CACNA2D3: variants seen among roughly 807,000 people sequenced by gnomAD.
The protein encoded by CACNA2D3 is calcium voltage-gated channel auxiliary subunit alpha2delta 3.
Under a neutral mutation model 160.6 loss-of-function variants are expected in CACNA2D3, and 60 were observed. The observed-to-expected ratio is 0.37, with a 90% CI of 0.30 to 0.46. The LOEUF (loss-of-function observed/expected upper bound fraction) is 0.46. Among genes scored for constraint, CACNA2D3 ranks in the 20% least tolerant of loss-of-function variants. CACNA2D3 has a pLI of 1.00. For synonymous variants in CACNA2D3, 558 were observed against 492.9 expected (o/e 1.13, Z -1.75); for missense variants, 1,205 against 1,365.0 (o/e 0.88, Z 1.85).
chr3:54,719,672 CAG>C, intron 11 of CACNA2D3, among the ~76,000 whole-genome samples: 2 of 151,998 alleles, frequency 1.3e-5, no homozygotes, highest in African/African-American at 4.8e-5. Context: ...ATGAGTTGGG[CAG>C]AGTTTCTTCT....
intron 3 of CACNA2D3, among the ~76,000 whole-genome samples, chr3:54,370,998 A>G (rs961064624): frequency 1.3e-5 from 2 of 151,994 alleles, no homozygotes; most frequent in South Asian, 4.1e-4. Flanking sequence ...ATGTTCTTTG[A>G]TTTCTTTCAC....
chr3:54,774,679 G>A (rs1203435109), intron 13 of CACNA2D3, among the ~76,000 whole-genome samples: 1 of 128,868 alleles, frequency 7.8e-6, no homozygotes, highest in African/African-American at 3.0e-5. Flanking sequence ...CTGTCGCCCA[G>A]GCTGGAGTGC....
chr3:54,740,816 A>T (rs1230727748), intron 11 of CACNA2D3, among the ~76,000 whole-genome samples: 1 of 152,186 alleles, frequency 6.6e-6, no homozygotes, highest in Non-Finnish European at 1.5e-5. Flanking sequence ...AGAACTTGGG[A>T]AAAGGCAACT....
At chr3:54,565,323 G>A (rs993979914) in intron 6 of CACNA2D3, among the ~76,000 whole-genome samples, 4 of 152,178 alleles carry the variant, frequency 2.6e-5, no homozygotes, top group African/African-American at 9.7e-5. Flanking sequence ...AAGGTGCTGG[G>A]TGATCACTGA....
At chr3:55,007,933 CA>C in intron 33 of CACNA2D3, 91 bp downstream of exon 33, 1 of 802,090 alleles carries the variant, frequency 1.2e-6, no homozygotes, top group Non-Finnish European at 1.9e-6. Flanking sequence ...GTCATGCCTT[CA>C]ATAACCATTA....
intron 2 of CACNA2D3, among the ~76,000 whole-genome samples, chr3:54,244,289 C>G (rs1311209425): frequency 6.6e-6 from 1 of 152,204 alleles, no homozygotes; most frequent in South Asian, 2.1e-4. Context: ...AGCTGAGGAA[C>G]TGCAAGCAGC....
chr3:55,039,287 C>A (rs149844789), intron 35 of CACNA2D3, among the ~76,000 whole-genome samples: 54 of 152,126 alleles, frequency 3.5e-4, no homozygotes, highest in African/African-American at 1.3e-3. Context: ...ATTCTCTTAT[C>A]CCCCAAAACG....
At chr3:54,484,224 A>G (rs1170987516) in intron 4 of CACNA2D3, among the ~76,000 whole-genome samples, 2 of 152,034 alleles carry the variant, frequency 1.3e-5, no homozygotes. Context: ...TTTTTTTCAG[A>G]TTTTGGAAAA....
intron 2 of CACNA2D3, among the ~76,000 whole-genome samples, chr3:54,228,321 A>C (rs1701710406): frequency 1.3e-5 from 2 of 152,350 alleles, no homozygotes; most frequent in South Asian, 4.1e-4. Context: ...TTAGAGAGAC[A>C]TCTAACCTCC....
intron 13 of CACNA2D3, among the ~76,000 whole-genome samples, chr3:54,775,998 C>T (rs1055985219): frequency 6.6e-6 from 1 of 152,198 alleles, no homozygotes; most frequent in Non-Finnish European, 1.5e-5. Flanking sequence ...TCCTGGTCTC[C>T]TCCCAGTCCT....
intron 2 of CACNA2D3, among the ~76,000 whole-genome samples, chr3:54,272,079 G>A (rs149833348): frequency 4.7e-4 from 72 of 152,224 alleles, no homozygotes; most frequent in African/African-American, 1.7e-3. Context: ...TGTCTCTTAA[G>A]TGCTGGGTCT....
intron 13 of CACNA2D3, among the ~76,000 whole-genome samples, chr3:54,766,193 A>C (rs186997968): frequency 1.3e-5 from 2 of 152,340 alleles, no homozygotes; most frequent in African/African-American, 4.8e-5. Flanking sequence ...CCAAAAGACA[A>C]ATGATAAAAT....
chr3:54,901,787 A>G (rs1050200239), intron 27 of CACNA2D3, among the ~76,000 whole-genome samples: 10 of 152,196 alleles, frequency 6.6e-5, no homozygotes, highest in Non-Finnish European at 1.5e-4. Flanking sequence ...CTTGGTTTTG[A>G]TGTTGAAGAC....
chr3:54,261,902 C>G (rs1351983844), intron 2 of CACNA2D3, among the ~76,000 whole-genome samples: 2 of 152,156 alleles, frequency 1.3e-5, no homozygotes, highest in Non-Finnish European at 2.9e-5. Context: ...ACTTCCCCCA[C>G]TGGAATTGCA....
At chr3:54,513,804 C>G (rs868085088) in intron 5 of CACNA2D3, among the ~76,000 whole-genome samples, 7 of 152,160 alleles carry the variant, frequency 4.6e-5, no homozygotes, top group African/African-American at 1.4e-4. Flanking sequence ...CCTCAGCCCC[C>G]CAAGTAGCTG....
intron 11 of CACNA2D3, among the ~76,000 whole-genome samples, chr3:54,684,558 C>G (rs1700414561): frequency 6.6e-6 from 1 of 152,176 alleles, no homozygotes; most frequent in South Asian, 2.1e-4. Flanking sequence ...GCAGACAATG[C>G]TAACATTTGC....
intron 11 of CACNA2D3, among the ~76,000 whole-genome samples, chr3:54,649,742 A>G (rs191159653): frequency 1.6e-4 from 24 of 152,298 alleles, no homozygotes; most frequent in Admixed American, 3.9e-4. Flanking sequence ...ATTACTTCCC[A>G]AAGGCCCCAA....
intron 4 of CACNA2D3, among the ~76,000 whole-genome samples, chr3:54,458,701 G>A (rs75588709): frequency 0.063 from 9,549 of 151,974 alleles, 588 homozygotes; most frequent in African/African-American, 0.15. Context: ...GGATCTGGAT[G>A]TTTATCTCTC....
intron 2 of CACNA2D3, among the ~76,000 whole-genome samples, chr3:54,204,519 A>G (rs751241056): frequency 3.9e-5 from 6 of 152,080 alleles, no homozygotes; most frequent in African/African-American, 7.2e-5. Context: ...ACATGGGGCC[A>G]GGCACGGTGG....
Sources: gnomAD v4.1 joint callset for allele counts (sites outside exome capture counted in the v4.1 genomes callset) on GRCh38, gnomAD v4.1.1 for gene constraint, MANE v1.5 for transcripts, NCBI Gene and HGNC (gene_info 2026-07-23, HGNC 2026-07-21) for gene names.